Variants in IP6K3 observed in about 807,000 individuals in gnomAD.
IP6K3 encodes the protein ATP:1D-myo-inositol-hexakisphosphate phosphotransferase.
IP6K3 carries 20 observed loss-of-function variants against 28.8 expected under a neutral mutation model. That is an observed-to-expected ratio of 0.70 (90% confidence interval 0.49 to 1.01). The LOEUF is 1.01. Among genes scored for constraint, IP6K3 ranks in the 50% least tolerant of loss-of-function variants. The pLI is 0.00. For synonymous variants in IP6K3, 213 were observed against 221.3 expected (o/e 0.96, Z 0.33); for missense variants, 480 against 537.1 (o/e 0.89, Z 1.05).
At chr6:33,759,601 T>G in the IP6K3 span, among the ~76,000 whole-genome samples, 1 of 152,164 alleles carries the variant, frequency 6.6e-6, no homozygotes, top group Non-Finnish European at 1.5e-5. Context: ...TGGTGGCTCA[T>G]GCCTATAATC....
rs1423977086 is a variant in IP6K3 at position 33,728,296 on chromosome 6, G to A, written c.204C>T (p.Thr68=). 1.1e-5 allele frequency: 18 copies of A among 1,613,940 alleles called. No individual in the cohort carries two copies. The highest frequency in any genetic ancestry group is 1.4e-5 in the Non-Finnish European group (16 of 1,179,974). ...TGTCTTTCCAGAGGTGCACTGTGACGGTACCTGCAAACACACAGGGAAGGG... is the reference window on the plus strand; with the variant it reads ...TGTCTTTCCAGAGGTGCACTGTGACAGTACCTGCAAACACACAGGGAAGGG... The part of the protein sequence containing the change: ...MKRFTPQYKG[T]VTVHLWKDST... Residue 68 remains threonine (T), a synonymous_variant, in exon 3 of 6, where the codon ACC becomes ACT. Coordinates refer to ENST00000293756, the MANE Select transcript of IP6K3 (RefSeq NM_054111.5).
upstream of IP6K3, chr6:33,746,993 C>G (rs1417552914): frequency 6.6e-6 from 1 of 152,560 alleles, no homozygotes; most frequent in Non-Finnish European, 1.5e-5. The surrounding 1 kb of genome is among the most constrained non-coding windows in gnomAD (Gnocchi z 6.5). Context: ...GCATGTCCAG[C>G]TGTCAGCTGG....
chr6:33,727,543 G>A (rs1341503041), intron 3 of IP6K3, among the ~76,000 whole-genome samples: 4 of 152,152 alleles, frequency 2.6e-5, no homozygotes, highest in Admixed American at 1.3e-4. Context: ...TTAAAAAGCC[G>A]TGGGGAGCCT....
At chr6:33,740,361 C>T (rs1766674153) in intron 1 of IP6K3, among the ~76,000 whole-genome samples, 1 of 152,246 alleles carries the variant, frequency 6.6e-6, no homozygotes, top group African/African-American at 2.4e-5. Context: ...TGAAGTAACG[C>T]TGGGCCTCAC....
intron 1 of IP6K3, among the ~76,000 whole-genome samples, chr6:33,743,436 T>C (rs1217619392): frequency 6.6e-6 from 1 of 152,194 alleles, no homozygotes; most frequent in Non-Finnish European, 1.5e-5. Flanking sequence ...GGAGCATTTT[T>C]TAATCTATTA....
upstream of IP6K3, among the ~76,000 whole-genome samples, chr6:33,749,198 C>T (rs905049149): frequency 2.6e-5 from 4 of 152,128 alleles, no homozygotes; most frequent in African/African-American, 9.7e-5. Flanking sequence ...CCCAGGTCTC[C>T]AGGAGGGCCT....
chr6:33,749,028 C>G (rs76391977), upstream of IP6K3, among the ~76,000 whole-genome samples: 376 of 152,168 alleles, frequency 2.5e-3, 2 homozygotes, highest in African/African-American at 5.4e-3. Flanking sequence ...GACCTCCTTT[C>G]CCCCCAGCCC....
At chr6:33,736,278 A>G (rs1766521313) in intron 1 of IP6K3, among the ~76,000 whole-genome samples, 1 of 152,188 alleles carries the variant, frequency 6.6e-6, no homozygotes, top group Admixed American at 6.5e-5. Flanking sequence ...ACTTCACCTG[A>G]CATGTTGCCT....
At chr6:33,736,393 G>A (rs1462414218) in intron 1 of IP6K3, among the ~76,000 whole-genome samples, 3 of 151,806 alleles carry the variant, frequency 2.0e-5, no homozygotes, top group Admixed American at 2.0e-4. Flanking sequence ...GGGAGTGCTT[G>A]CTTGCTTGCT....
intron 5 of IP6K3, 21 bp downstream of exon 5, chr6:33,725,420 G>C (rs771603381): frequency 1.9e-5 from 31 of 1,597,082 alleles, no homozygotes; most frequent in African/African-American, 1.3e-5. Context: ...CCCCCCCTGT[G>C]GTGGGTCCCC....
At chr6:33,741,028 G>A (rs556955182) in intron 1 of IP6K3, among the ~76,000 whole-genome samples, 22 of 152,204 alleles carry the variant, frequency 1.4e-4, no homozygotes, top group Non-Finnish European at 2.6e-4. Flanking sequence ...GAAGGTAAGC[G>A]TGGCTCACGT....
chr6:33,725,347 G>T (rs1766060571), intron 5 of IP6K3, 94 bp downstream of exon 5: 2 of 1,310,554 alleles, frequency 1.5e-6, no homozygotes, highest in Non-Finnish European at 2.1e-6. Flanking sequence ...GAAGGGCTCT[G>T]CAGGGGGGCA....
the IP6K3 span, among the ~76,000 whole-genome samples, chr6:33,756,237 A>G: frequency 2.3e-3 from 349 of 152,328 alleles, 1 homozygote; most frequent in African/African-American, 7.7e-3. Flanking sequence ...GCAGTGAATT[A>G]ATGATGGGGT....
At chr6:33,750,465 A>G (rs1405159301), upstream of IP6K3, among the ~76,000 whole-genome samples, 1 of 152,150 alleles carries the variant, frequency 6.6e-6, no homozygotes, top group Non-Finnish European at 1.5e-5. This position sits in a 1 kb window ranked among gnomAD's most constrained non-coding sequence, Gnocchi z 4.3. Flanking sequence ...CACCTCCAGG[A>G]AGCCCTCCCC....
intron 1 of IP6K3, among the ~76,000 whole-genome samples, chr6:33,735,995 T>G (rs1766509700): frequency 6.6e-6 from 1 of 152,034 alleles, no homozygotes; most frequent in Non-Finnish European, 1.5e-5. Context: ...AGCCTCCAAG[T>G]AGCTGGGACT....
chr6:33,735,762 A>G (rs577420122), intron 1 of IP6K3, 107 bp from the exon 2 acceptor site: 4 of 525,244 alleles, frequency 7.6e-6, no homozygotes, highest in African/African-American at 5.8e-5. Flanking sequence ...CAGGTTCCTC[A>G]CTGGTACCTT....
chr6:33,753,842 T>C, the IP6K3 span, among the ~76,000 whole-genome samples: 9 of 152,054 alleles, frequency 5.9e-5, no homozygotes, highest in African/African-American at 2.2e-4. Flanking sequence ...AGAGTCTCGC[T>C]GTGTCGTGCA....
chr6:33,758,290 G>A, the IP6K3 span, among the ~76,000 whole-genome samples: 1 of 152,178 alleles, frequency 6.6e-6, no homozygotes, highest in Non-Finnish European at 1.5e-5. Flanking sequence ...CAAGGTGGGA[G>A]GGTCACTTGA....
intron 2 of IP6K3, among the ~76,000 whole-genome samples, chr6:33,734,459 C>A (rs1277862246): frequency 6.6e-6 from 1 of 152,196 alleles, no homozygotes; most frequent in African/African-American, 2.4e-5. Context: ...TCACCTTCAC[C>A]ACCAATACTT....
Sources: gnomAD v4.1 joint callset for allele counts (sites outside exome capture counted in the v4.1 genomes callset) on GRCh38, gnomAD v4.1.1 for gene constraint, Gnocchi (gnomAD v3.1) non-coding constraint, MANE v1.5 for transcripts, NCBI Gene and HGNC (gene_info 2026-07-23, HGNC 2026-07-21) for gene names.